HTR2C: variants seen among roughly 807,000 people sequenced by gnomAD.
The protein encoded by HTR2C is 5-hydroxytryptamine receptor 2C.
HTR2C carries 5 observed loss-of-function variants against 21.0 expected under a neutral mutation model. The observed-to-expected ratio is 0.24, with a 90% CI of 0.12 to 0.50. HTR2C has a LOEUF of 0.50. Ranked by LOEUF, HTR2C falls within the 20% of genes least tolerant of loss-of-function variation. The pLI, the probability that HTR2C is intolerant of heterozygous loss-of-function variation, is 0.98. For synonymous variants in HTR2C, 150 were observed against 145.3 expected, an observed-to-expected ratio of 1.03 and a Z score of -0.23; for missense variants, 271 against 371.2, an observed-to-expected ratio of 0.73 and a Z score of 2.22.
intron 2 of HTR2C, among the ~76,000 whole-genome samples, chrX:114,620,078 T>G (rs138845928): frequency 0.014 from 1,597 of 111,896 alleles, 14 homozygotes; most frequent in Admixed American, 0.035. Context: ...TTCCCCCAAG[T>G]GGCAGCTGTA....
chrX:114,618,886 T>C (rs1556400967), intron 2 of HTR2C, among the ~76,000 whole-genome samples: 1 of 109,701 alleles, frequency 9.1e-6, no homozygotes, highest in Non-Finnish European at 1.9e-5. Context: ...GTTGTCCACT[T>C]AGTTCTCTCA....
At chrX:114,757,840 G>A (rs2069828628) in intron 4 of HTR2C, among the ~76,000 whole-genome samples, 1 of 111,475 alleles carries the variant, frequency 9.0e-6, no homozygotes, top group South Asian at 3.8e-4. Context: ...ATGCATATTA[G>A]GAAACCAATT....
chrX:114,696,618 C>T (rs111747285), intron 2 of HTR2C, among the ~76,000 whole-genome samples: 351 of 42,523 alleles, frequency 8.3e-3, no homozygotes, highest in African/African-American at 0.017. Context: ...ACACAGATAA[C>T]AGGTTTTTTT....
At chrX:114,598,222 C>T (rs1927942458) in intron 1 of HTR2C, among the ~76,000 whole-genome samples, 1 of 111,648 alleles carries the variant, frequency 9.0e-6, no homozygotes, top group Non-Finnish European at 1.9e-5. Flanking sequence ...TACCCCAAAG[C>T]CCAGAGAGGA....
rs1250570783 is a variant in HTR2C at position 114,744,694 on chromosome X, C to T, written c.349+13087C>T. Among the ~76,000 whole-genome samples the T allele has an allele frequency of 5.4e-5, 6 of 110,765 alleles. No individual in the cohort carries two copies. In the East Asian group the frequency reaches 8.5e-4, roughly 16 times the overall value. ...GTCTCGATCTCCTGACCTCGTGATC[C>T]GCCCGCCTCAGCCTCCGAAAGTGCT... On this transcript the variant is annotated intron_variant, in intron 4 of 5. Coordinates refer to ENST00000276198, the MANE Select transcript of HTR2C (RefSeq NM_000868.4).
chrX:114,844,434 C>G (rs963732868), intron 4 of HTR2C, among the ~76,000 whole-genome samples: 2 of 111,634 alleles, frequency 1.8e-5, no homozygotes, highest in African/African-American at 6.5e-5. Context: ...AAAAAAATCA[C>G]TTAATCACAA....
chrX:114,763,881 T>C (rs969704234), intron 4 of HTR2C, among the ~76,000 whole-genome samples: 11 of 111,650 alleles, frequency 9.9e-5, no homozygotes, highest in Admixed American at 2.9e-4. Context: ...CCTTTAACAA[T>C]ATCCTTAATC....
At chrX:114,794,300 G>A (rs1034221564) in intron 4 of HTR2C, among the ~76,000 whole-genome samples, 8 of 110,955 alleles carry the variant, frequency 7.2e-5, no homozygotes, top group Non-Finnish European at 1.5e-4. Flanking sequence ...CTTTTAAGCA[G>A]CAGAATACAA....
chrX:114,802,685 T>TCTTTCTTTCTTTCTTC (rs2070358336), intron 4 of HTR2C, among the ~76,000 whole-genome samples: 12 of 64,572 alleles, frequency 1.9e-4, no homozygotes, highest in African/African-American at 8.2e-4. Context: ...ATGCTTAGAT[T>TCTTTCTTTCTTTCTTC]CTTTCTTTCT....
rs1344430778 is a variant in HTR2C at position 114,909,613 on chromosome X, A to C, written c.*2198A>C. The C allele has an allele frequency of 8.9e-6, 1 of 112,626 alleles. No individual in the cohort carries two copies. Among genetic ancestry groups the C allele is most frequent in the African/African-American group, 3.2e-5 (1 of 30,915 alleles). 9.3% of individuals were successfully genotyped at this position (112,626 alleles called of 1,213,427 possible). ...AGTACTAGCAATAAGTTGAATGATA[A>C]TAGCTCACAGCACATTTGTTAATGA... On this transcript the variant is annotated 3_prime_UTR_variant, in exon 6 of 6. Transcript: ENST00000276198.
At chrX:114,857,182 T>C (rs1267119248) in intron 5 of HTR2C, among the ~76,000 whole-genome samples, 2 of 111,043 alleles carry the variant, frequency 1.8e-5, no homozygotes, top group Non-Finnish European at 3.8e-5. Context: ...TTTTCTGCTT[T>C]ATCCCCGTTC....
At chrX:114,900,203 C>T (rs1452874072) in intron 5 of HTR2C, among the ~76,000 whole-genome samples, 1 of 111,756 alleles carries the variant, frequency 8.9e-6, no homozygotes, top group East Asian at 2.8e-4. Flanking sequence ...AGAAAACATT[C>T]TCTTTTTCTT....
intron 5 of HTR2C, among the ~76,000 whole-genome samples, chrX:114,893,429 A>G (rs1484874062): frequency 9.0e-5 from 10 of 111,689 alleles, no homozygotes; most frequent in African/African-American, 3.2e-4. Context: ...TTTTCCAAAA[A>G]AAGTGCCAAG....
intron 4 of HTR2C, among the ~76,000 whole-genome samples, chrX:114,817,775 G>A (rs1402092555): frequency 9.0e-6 from 1 of 110,737 alleles, no homozygotes. Context: ...GTAGTTCCCT[G>A]GAAGCATTAA....
chrX:114,645,102 G>A, intron 2 of HTR2C, among the ~76,000 whole-genome samples: 1 of 110,707 alleles, frequency 9.0e-6, no homozygotes. Flanking sequence ...ATTGTTTGAG[G>A]GCAGGGGGCA....
At chrX:114,771,428 T>C (rs1556436907) in intron 4 of HTR2C, among the ~76,000 whole-genome samples, 1 of 112,200 alleles carries the variant, frequency 8.9e-6, no homozygotes, top group African/African-American at 3.2e-5. Flanking sequence ...TTCTGTTAAA[T>C]GCTATGAGCC....
chrX:114,905,581 C>A (rs2071365710), intron 5 of HTR2C, among the ~76,000 whole-genome samples: 1 of 111,653 alleles, frequency 9.0e-6, no homozygotes, highest in South Asian at 3.8e-4. Context: ...TAGACACCTA[C>A]CAGCCCAGGA....
chrX:114,755,767 G>T (rs1296637976), intron 4 of HTR2C, among the ~76,000 whole-genome samples: 1 of 110,821 alleles, frequency 9.0e-6, no homozygotes, highest in Non-Finnish European at 1.9e-5. Flanking sequence ...ATGAGCAAAA[G>T]ACCAAAAAAC....
intron 2 of HTR2C, among the ~76,000 whole-genome samples, chrX:114,679,709 C>T (rs1215063115): frequency 9.0e-6 from 1 of 111,450 alleles, no homozygotes; most frequent in Non-Finnish European, 1.9e-5. Flanking sequence ...AACCTAATAG[C>T]TTGCAATAAT....
Sources: allele counts gnomAD v4.1 joint callset (sites outside exome capture counted in the v4.1 genomes callset), GRCh38; gene constraint gnomAD v4.1.1; transcripts MANE v1.5; gene names NCBI Gene and HGNC (gene_info 2026-07-23, HGNC 2026-07-21).